YJU2B: variants seen among roughly 807,000 people sequenced by gnomAD.
The protein encoded by YJU2B is probable splicing factor YJU2B.
YJU2B carries 18 observed loss-of-function variants against 38.0 expected under a neutral mutation model. That is an observed-to-expected ratio of 0.47 (90% CI 0.33 to 0.70). The LOEUF (loss-of-function observed/expected upper bound fraction) is 0.70, where lower values mean the gene tolerates loss of function less well. YJU2B is among the 30% of genes least tolerant of loss of function. The probability of loss-of-function intolerance (pLI) is 0.02; values close to 1 mark genes in which losing one functional copy is unlikely to be tolerated. For missense variants in YJU2B, 538 were observed against 556.3 expected, an observed-to-expected ratio of 0.97 and a Z score of 0.33; for synonymous variants, 246 against 225.4, an observed-to-expected ratio of 1.09 and a Z score of -0.82.
At chr19:13,750,460 C>T (rs1273746469) in intron 1 of YJU2B, among the ~76,000 whole-genome samples, 5 of 152,118 alleles carry the variant, frequency 3.3e-5, no homozygotes, top group African/African-American at 1.2e-4. Context: ...CTCCTGACCT[C>T]AGGGGATCCA....
intron 2 of YJU2B, among the ~76,000 whole-genome samples, chr19:13,734,220 G>A (rs914566571): frequency 6.6e-6 from 1 of 151,960 alleles, no homozygotes; most frequent in African/African-American, 2.4e-5. Context: ...GAGCCAGCAC[G>A]CCTGGTCTTG....
rs1973958500 is a variant in YJU2B, at chr19:13,762,864, GC to G, written c.990del (p.Met331CysfsTer78). 6.2e-7 allele frequency: 1 copy of G among 1,608,776 alleles called. No homozygotes were observed. The highest frequency in any genetic ancestry group is 8.5e-7 in the Non-Finnish European group (1 of 1,178,336). ...RVPEEAAQDR[P>X]MSPGDCPPET... ...TACCAGAGGAGGCTGCCCAGGACCG[GC>G]CCATGTCCCCCGGAGACTGTCCTCC... On this transcript the variant is annotated frameshift_variant, in exon 10 of 10. Coordinates refer to ENST00000221554, the MANE Select transcript of YJU2B (RefSeq NM_030818.4). LOFTEE classifies it low-confidence loss of function (END_TRUNC).
intron 6 of YJU2B, 51 bp downstream of exon 6, chr19:13,757,897 G>A (rs760096971): frequency 2.2e-5 from 33 of 1,514,552 alleles, no homozygotes; most frequent in Admixed American, 8.4e-5. Flanking sequence ...GCCACAGGGC[G>A]AGGGGGCTAC....
chr19:13,753,347 G>T, intron 2 of YJU2B, among the ~76,000 whole-genome samples: 1 of 152,130 alleles, frequency 6.6e-6, no homozygotes, highest in Non-Finnish European at 1.5e-5. Flanking sequence ...GTCGAGGTAG[G>T]TGGGTCACAA....
chr19:13,759,055 C>T, intron 7 of YJU2B, 45 bp downstream of exon 7: 1 of 1,612,100 alleles, frequency 6.2e-7, no homozygotes, highest in Non-Finnish European at 8.5e-7. Context: ...GGCCCTGAGT[C>T]TGCGCTGGGG....
chr19:13,761,798 A>G (rs1973899598), intron 8 of YJU2B, among the ~76,000 whole-genome samples: 1 of 147,220 alleles, frequency 6.8e-6, no homozygotes, highest in Non-Finnish European at 1.5e-5. Context: ...ATCTCAGCCC[A>G]CCGCAACCTC....
At chr19:13,762,054 G>A (rs1166907717) in intron 8 of YJU2B, among the ~76,000 whole-genome samples, 2 of 152,108 alleles carry the variant, frequency 1.3e-5, no homozygotes, top group Admixed American at 1.3e-4. Context: ...AATTAGCTGG[G>A]CGTGGTGGTG....
intron 8 of YJU2B, chr19:13,759,617 A>G (rs999920123): frequency 1.2e-5 from 2 of 164,708 alleles, no homozygotes; most frequent in African/African-American, 2.4e-5. Context: ...TAAATAAATA[A>G]TAGAAATTAA....
intron 5 of YJU2B, 89 bp downstream of exon 5, chr19:13,757,562 G>GATCA: frequency 8.0e-7 from 1 of 1,250,168 alleles, no homozygotes; most frequent in Admixed American, 1.8e-5. Context: ...GGAGGGTCCT[G>GATCA]ATCAGGAATG....
intron 6 of YJU2B, among the ~76,000 whole-genome samples, chr19:13,758,604 CA>C (rs1414407834): frequency 2.0e-5 from 3 of 151,962 alleles, no homozygotes; most frequent in East Asian, 1.9e-4. Flanking sequence ...ATAAATGAAC[CA>C]AAAAAATGGA....
At chr19:13,747,202 T>C (rs1973275434), upstream of YJU2B, among the ~76,000 whole-genome samples, 1 of 152,228 alleles carries the variant, frequency 6.6e-6, no homozygotes, top group Non-Finnish European at 1.5e-5. Flanking sequence ...TCCCTGCATT[T>C]GCTGTTCCCC....
chr19:13,748,901 G>A (rs1406833567), intron 1 of YJU2B, among the ~76,000 whole-genome samples: 1 of 152,214 alleles, frequency 6.6e-6, no homozygotes. Flanking sequence ...GAGGATACAA[G>A]ACTAAGGTGA....
chr19:13,751,197 C>G (rs1002596717), intron 1 of YJU2B, among the ~76,000 whole-genome samples: 3 of 152,090 alleles, frequency 2.0e-5, no homozygotes, highest in Non-Finnish European at 2.9e-5. Flanking sequence ...GCGGGTGGAT[C>G]ATGAGGTAAA....
At chr19:13,739,452 C>CT (rs1433013401) in intron 2 of YJU2B, among the ~76,000 whole-genome samples, 2 of 136,472 alleles carry the variant, frequency 1.5e-5, no homozygotes, top group Non-Finnish European at 3.2e-5. Context: ...GCTGGAAACT[C>CT]TAATTCTTTA....
upstream of YJU2B, among the ~76,000 whole-genome samples, chr19:13,744,116 G>A (rs915888045): frequency 1.4e-4 from 21 of 151,998 alleles, no homozygotes; most frequent in African/African-American, 4.6e-4. Context: ...ACTTGAACCC[G>A]AGAGGTGAAG....
intron 1 of YJU2B, among the ~76,000 whole-genome samples, chr19:13,749,806 G>T (rs1031152643): frequency 1.3e-5 from 2 of 151,834 alleles, no homozygotes; most frequent in Non-Finnish European, 2.9e-5. Flanking sequence ...CTAATTTTTT[G>T]TATTTTTTAG....
chr19:13,762,379 G>A lies in YJU2B; in HGVS notation c.654G>A (p.Val218=), dbSNP rs1012237933. Residue 218 remains valine, a synonymous_variant, in exon 9 of 10, where the codon GTG becomes GTA. Coordinates refer to ENST00000221554, the MANE Select transcript of YJU2B (RefSeq NM_030818.4). ...QAKASLTIPL[V]PETEDDRKLA... is the part of the protein sequence containing the mutation. The stretch of plus-strand genomic sequence containing the variant: ...AGGCGAGCCTGACCATCCCGCTGGT[G>A]CCCGAGACGGAAGATGACCGCAAGC... 29 of 1,613,750 alleles carry A rather than the reference G, an allele frequency of 1.8e-5. No homozygotes were observed. The highest frequency in any genetic ancestry group is 2.2e-5 in the Non-Finnish European group (26 of 1,180,028).
chr19:13,731,987 C>G (rs1436876751), intron 1 of YJU2B: 1 of 152,286 alleles, frequency 6.6e-6, no homozygotes, highest in Non-Finnish European at 1.5e-5. Context: ...GTCTCCCAGC[C>G]TCAGTTTCCC....
chr19:13,747,380 C>T (rs536880057), upstream of YJU2B, among the ~76,000 whole-genome samples: 1 of 152,296 alleles, frequency 6.6e-6, no homozygotes, highest in East Asian at 1.9e-4. Flanking sequence ...CAGTGGTTCA[C>T]GCCTGTAATC....
Sources: gnomAD v4.1 joint callset for allele counts (sites outside exome capture counted in the v4.1 genomes callset) on GRCh38, gnomAD v4.1.1 for gene constraint, MANE v1.5 for transcripts, NCBI Gene and HGNC (gene_info 2026-07-23, HGNC 2026-07-21) for gene names.